Variants in RIMKLB observed in about 807,000 individuals in gnomAD.
RIMKLB encodes the protein beta-citrylglutamate synthase B.
In RIMKLB, 7 loss-of-function variants were observed where a neutral mutation model predicts 32.0. The observed-to-expected ratio is 0.22, with a 90% CI of 0.12 to 0.41. The LOEUF is 0.41. RIMKLB is among the 10% of genes least tolerant of loss of function. The pLI is 1.00. For synonymous variants in RIMKLB, 172 were observed against 185.1 expected (o/e 0.93, Z 0.57); for missense variants, 289 against 498.7 (o/e 0.58, Z 4.00).
At chr12:8,723,804 CTTTTTTTTT>C (rs35269536) in intron 2 of RIMKLB, among the ~76,000 whole-genome samples, 2 of 75,502 alleles carry the variant, frequency 2.6e-5, no homozygotes, top group African/African-American at 5.3e-5. Context: ...CTTCAGTTCC[CTTTTTTTTT>C]TTTTTTTTTT....
chr12:8,733,343 A>G (rs1046968039), intron 2 of RIMKLB, among the ~76,000 whole-genome samples: 1 of 152,020 alleles, frequency 6.6e-6, no homozygotes, highest in Admixed American at 6.5e-5. Flanking sequence ...ACCTTTGCTC[A>G]GATCATTGCC....
At chr12:8,738,339 G>A (rs778685784) in intron 2 of RIMKLB, among the ~76,000 whole-genome samples, 10 of 152,156 alleles carry the variant, frequency 6.6e-5, no homozygotes, top group Non-Finnish European at 1.0e-4. Flanking sequence ...CCACCACACC[G>A]TGCAATTAAT....
At chr12:8,687,629 C>T (rs760525085) in intron 1 of RIMKLB, among the ~76,000 whole-genome samples, 5 of 152,078 alleles carry the variant, frequency 3.3e-5, no homozygotes, top group Admixed American at 6.5e-5. Context: ...TCCCCTCCTT[C>T]CTTTCTTCCT....
At chr12:8,755,209 C>G (rs1948920043) in intron 5 of RIMKLB, among the ~76,000 whole-genome samples, 1 of 152,092 alleles carries the variant, frequency 6.6e-6, no homozygotes, top group South Asian at 2.1e-4. Flanking sequence ...CCTCGGCCTC[C>G]CAGAATGCTG....
chr12:8,687,561 C>T (rs954993203), intron 1 of RIMKLB, among the ~76,000 whole-genome samples: 2 of 152,148 alleles, frequency 1.3e-5, no homozygotes, highest in Admixed American at 6.5e-5. Flanking sequence ...TCTGCTCTCT[C>T]GTCTTTCCTT....
At chr12:8,764,185 C>T (rs1949762568) in intron 5 of RIMKLB, among the ~76,000 whole-genome samples, 4 of 152,066 alleles carry the variant, frequency 2.6e-5, no homozygotes, top group Admixed American at 2.6e-4. Flanking sequence ...CTTGTTGGGC[C>T]TCGGGTCTAA....
the RIMKLB span, among the ~76,000 whole-genome samples, chr12:8,670,813 CA>C: frequency 1.3e-5 from 2 of 152,276 alleles, no homozygotes; most frequent in Non-Finnish European, 2.9e-5. Flanking sequence ...CCCACCCCTG[CA>C]GCAAACTTTT....
At chr12:8,708,869 C>G (rs1349463819) in intron 1 of RIMKLB, among the ~76,000 whole-genome samples, 1 of 152,138 alleles carries the variant, frequency 6.6e-6, no homozygotes, top group Non-Finnish European at 1.5e-5. Context: ...GGAAAACTCT[C>G]AAAAATAAAC....
At chr12:8,782,404 T>C (rs1310863478) in intron 7 of RIMKLB, among the ~76,000 whole-genome samples, 1 of 152,070 alleles carries the variant, frequency 6.6e-6, no homozygotes, top group Non-Finnish European at 1.5e-5. Flanking sequence ...TGTGGTTTTA[T>C]ACACACACAC....
intron 2 of RIMKLB, among the ~76,000 whole-genome samples, chr12:8,718,751 A>G (rs1945146771): frequency 6.6e-6 from 1 of 151,796 alleles, no homozygotes; most frequent in South Asian, 2.1e-4. Context: ...CAGCAAAATT[A>G]GGCAGAAAGT....
chr12:8,742,406 A>G, intron 2 of RIMKLB: 2 of 282,508 alleles, frequency 7.1e-6, no homozygotes, highest in Non-Finnish European at 6.8e-6. Flanking sequence ...TTCTCATTGT[A>G]ACTTACAGGG....
intron 2 of RIMKLB, among the ~76,000 whole-genome samples, chr12:8,745,477 CT>C (rs1361619810): frequency 2.8e-4 from 43 of 151,722 alleles, no homozygotes; most frequent in Non-Finnish European, 1.5e-5. Flanking sequence ...TCACCGCAAC[CT>C]CCGCCTCCCT....
At chr12:8,684,526 T>C (rs938997955) in intron 1 of RIMKLB, among the ~76,000 whole-genome samples, 1 of 152,220 alleles carries the variant, frequency 6.6e-6, no homozygotes, top group Admixed American at 6.5e-5. Flanking sequence ...ATTTTGCATA[T>C]AGGTCTGTGA....
chr12:8,738,105 G>A (rs916108344), intron 2 of RIMKLB, among the ~76,000 whole-genome samples: 2 of 152,134 alleles, frequency 1.3e-5, no homozygotes, highest in Non-Finnish European at 2.9e-5. Flanking sequence ...TAAATTGTCA[G>A]GGTTAGGGAC....
At chr12:8,750,152 T>C (rs111244060) in intron 3 of RIMKLB, 60 bp downstream of exon 3, 2 of 1,059,872 alleles carry the variant, frequency 1.9e-6, no homozygotes, top group Non-Finnish European at 2.9e-6. Context: ...TTTAATAGGA[T>C]AAATTTACAG....
rs1398552467 is a variant in RIMKLB at position 8,743,276 on chromosome 12, C to T, written c.176-6586C>T. ...GGCTGAGGCAAGAGAATTGTTTGCA[C>T]CTGGAAGGCAGAGGTTACAGTGAGC... On this transcript the variant is annotated intron_variant, in intron 2 of 5. Coordinates refer to ENST00000535829, the MANE Select transcript of RIMKLB (RefSeq NM_001297776.2). 2.0e-5 allele frequency among the ~76,000 whole-genome samples: 3 copies of T among 149,538 alleles called. 1 individual carries two copies. The highest frequency in any genetic ancestry group is 7.5e-5 in the African/African-American group (3 of 39,824).
chr12:8,769,567 G>T (rs186743282), intron 5 of RIMKLB, among the ~76,000 whole-genome samples: 2 of 151,970 alleles, frequency 1.3e-5, no homozygotes, highest in East Asian at 3.9e-4. Context: ...AACTCAAATT[G>T]TTCCTTTTTC....
downstream of RIMKLB, among the ~76,000 whole-genome samples, chr12:8,782,100 A>G (rs1369132893): frequency 6.7e-6 from 1 of 149,458 alleles, no homozygotes; most frequent in Non-Finnish European, 1.5e-5. Flanking sequence ...TTTGATTACT[A>G]TATAAAAATT....
the RIMKLB span, among the ~76,000 whole-genome samples, chr12:8,670,089 C>T: frequency 5.3e-5 from 8 of 151,838 alleles, no homozygotes; most frequent in Middle Eastern, 3.4e-3. Flanking sequence ...TTACCTCCCC[C>T]GGGTCCCTCC....
Sources: gnomAD v4.1 joint callset for allele counts (sites outside exome capture counted in the v4.1 genomes callset) on GRCh38, gnomAD v4.1.1 for gene constraint, MANE v1.5 for transcripts, NCBI Gene and HGNC (gene_info 2026-07-23, HGNC 2026-07-21) for gene names.